The following ADAMTS12 variants were observed in gnomAD, a reference collection of about 807,000 sequenced individuals.
ADAMTS12 encodes the protein ADAM metallopeptidase with thrombospondin type 1 motif 12.
In ADAMTS12, 118 loss-of-function variants were observed where a neutral mutation model predicts 167.8. That is an observed-to-expected ratio of 0.70 (90% CI 0.61 to 0.82). ADAMTS12 has a LOEUF of 0.82. ADAMTS12 is among the 40% of genes least tolerant of loss of function. The probability of loss-of-function intolerance (pLI) is 0.00; values close to 1 mark genes in which losing one functional copy is unlikely to be tolerated. For missense variants in ADAMTS12, 1,916 were observed against 1,998.8 expected (o/e 0.96, Z 0.79); for synonymous variants, 704 against 716.9 (o/e 0.98, Z 0.29).
At chr5:33,836,147 G>A (rs1455959120) in intron 2 of ADAMTS12, among the ~76,000 whole-genome samples, 2 of 152,186 alleles carry the variant, frequency 1.3e-5, no homozygotes, top group African/African-American at 4.8e-5. Flanking sequence ...ATGCGTGTGA[G>A]CACAGAATCT....
chr5:33,608,532 T>C (rs936278415), intron 16 of ADAMTS12, among the ~76,000 whole-genome samples: 3 of 152,202 alleles, frequency 2.0e-5, no homozygotes, highest in Non-Finnish European at 2.9e-5. Flanking sequence ...AGTGAGTTTG[T>C]TGAGATGCAG....
chr5:33,855,386 A>T (rs980253167), intron 2 of ADAMTS12, among the ~76,000 whole-genome samples: 7 of 152,260 alleles, frequency 4.6e-5, no homozygotes, highest in Non-Finnish European at 1.0e-4. Flanking sequence ...AGTTCAAATT[A>T]TTATAACAGC....
intron 12 of ADAMTS12, among the ~76,000 whole-genome samples, chr5:33,633,676 T>G (rs982708355): frequency 2.0e-5 from 3 of 152,038 alleles, no homozygotes; most frequent in Admixed American, 6.6e-5. Flanking sequence ...TGTGGTTATA[T>G]CATTAAGTTG....
chr5:33,557,120 G>C lies in ADAMTS12; in HGVS notation c.4125+3907C>G, dbSNP rs370595787. Among the ~76,000 whole-genome samples, 6 of 152,284 alleles carry C rather than the reference G, an allele frequency of 3.9e-5. No individual in the cohort carries two copies. In the East Asian group the frequency reaches 9.7e-4, roughly 25 times the overall value. ...TTGCAATCCAGACAGCAATCACAGT[G>C]GTAGAAGTTCCTGGTGAGTAACCTG... On this transcript the variant is annotated intron_variant, in intron 20 of 23. Transcript: ENST00000504830.
chr5:33,733,480 T>C (rs2112356703), intron 3 of ADAMTS12, among the ~76,000 whole-genome samples: 1 of 152,318 alleles, frequency 6.6e-6, no homozygotes, highest in East Asian at 1.9e-4. Context: ...GCCACGAATC[T>C]TAAGTAAGAG....
chr5:33,801,871 T>A (rs1747022867), intron 2 of ADAMTS12, among the ~76,000 whole-genome samples: 1 of 152,208 alleles, frequency 6.6e-6, no homozygotes, highest in South Asian at 2.1e-4. Flanking sequence ...CTTATTAAAG[T>A]GGAGCTTTCA....
At chr5:33,736,674 A>G (rs1272222949) in intron 3 of ADAMTS12, among the ~76,000 whole-genome samples, 1 of 152,218 alleles carries the variant, frequency 6.6e-6, no homozygotes, top group South Asian at 2.1e-4. Flanking sequence ...GGGTTTTTCA[A>G]TAACAAGTCT....
At chr5:33,828,903 C>T (rs900682202) in intron 2 of ADAMTS12, among the ~76,000 whole-genome samples, 6 of 152,092 alleles carry the variant, frequency 3.9e-5, no homozygotes, top group African/African-American at 1.4e-4. Flanking sequence ...CCCTGTGTTG[C>T]AGTTACTAAT....
At chr5:33,560,201 T>A (rs954590763) in intron 20 of ADAMTS12, among the ~76,000 whole-genome samples, 1 of 152,246 alleles carries the variant, frequency 6.6e-6, no homozygotes, top group African/African-American at 2.4e-5. Context: ...ATAAAAACTC[T>A]GTACTTCTAA....
chr5:33,786,254 A>G (rs1302393040), intron 2 of ADAMTS12, among the ~76,000 whole-genome samples: 1 of 152,232 alleles, frequency 6.6e-6, no homozygotes, highest in Non-Finnish European at 1.5e-5. Context: ...GCCTAAATTT[A>G]CTAAAAATCA....
At chr5:33,739,148 G>T (rs140707769) in intron 3 of ADAMTS12, among the ~76,000 whole-genome samples, 18 of 152,230 alleles carry the variant, frequency 1.2e-4, no homozygotes, top group African/African-American at 3.1e-4. Flanking sequence ...ATAAATCCCT[G>T]AGTCATCACA....
intron 2 of ADAMTS12, among the ~76,000 whole-genome samples, chr5:33,812,707 A>G (rs953383155): frequency 2.6e-5 from 4 of 152,210 alleles, no homozygotes; most frequent in Non-Finnish European, 4.4e-5. Context: ...AATGGTTCAT[A>G]TATTTTCCAT....
At position 33,869,925 on chromosome 5, in the gene ADAMTS12, ACTCATAGAGT is replaced by A. The variant is rs1749971679; in HGVS notation, c.489+11184_489+11193del. ...CTATCTACAACTGCATAAGGTAGAC[ACTCATAGAGT>A]GGCCATTTTAGAGGCCCTCCCTGGG... On this transcript the variant is annotated intron_variant, in intron 2 of 23. Coordinates refer to ENST00000504830, the MANE Select transcript of ADAMTS12 (RefSeq NM_030955.4). 3.3e-5 allele frequency among the ~76,000 whole-genome samples: 5 copies of A among 152,258 alleles called. No homozygotes were observed. The South Asian group carries it at 1.0e-3, about 32-fold the overall frequency.
Position 33,614,326 on chromosome 5 carries a change from C to G in ADAMTS12, c.2439G>C (p.Gln813His). Reference sequence around the variant, plus strand: ...CAACATCATTGTCAAGGCCATCTTTCTGGATTGTGTACTCATACTTGATGC... The same window carrying G: ...CAACATCATTGTCAAGGCCATCTTTGTGGATTGTGTACTCATACTTGATGC... ...NPGIKYEYTI[Q>H]KDGLDNDVEQ... Residue 813 changes from glutamine (Q) to histidine (H), a missense_variant, in exon 16 of 24, where the codon CAG (glutamine) becomes CAC (histidine). Coordinates refer to ENST00000504830, the MANE Select transcript of ADAMTS12 (RefSeq NM_030955.4). 1 of 1,614,128 alleles carries G rather than the reference C, an allele frequency of 6.2e-7. No individual in the cohort carries two copies. The highest frequency in any genetic ancestry group is 2.2e-5 in the East Asian group (1 of 44,860).
intron 18 of ADAMTS12, among the ~76,000 whole-genome samples, chr5:33,587,195 T>G (rs1747402888): frequency 6.6e-6 from 1 of 152,214 alleles, no homozygotes; most frequent in South Asian, 2.1e-4. Context: ...GTGTTTTGCT[T>G]TCAAATAGGT....
rs1236917458 is a variant in ADAMTS12, at chr5:33,683,726, G to T, written c.831+133C>A. 9 of 507,576 alleles carry T rather than the reference G, an allele frequency of 1.8e-5. No individual in the cohort carries two copies. The South Asian group carries it at 5.1e-4, about 29-fold the overall frequency. 31.4% of individuals were successfully genotyped at this position (507,576 alleles called of 1,614,324 possible). ...TCCATCCATATTCATCCTTAGGCAG[G>T]TACTAGATTCACATATATATTTATA... On this transcript the variant is annotated intron_variant, in intron 4 of 23. Coordinates refer to ENST00000504830, the MANE Select transcript of ADAMTS12 (RefSeq NM_030955.4).
chr5:33,802,058 C>G (rs562567344), intron 2 of ADAMTS12, among the ~76,000 whole-genome samples: 11 of 152,272 alleles, frequency 7.2e-5, no homozygotes, highest in Admixed American at 3.3e-4. Context: ...AGCTGCCTTC[C>G]CATTCTACCA....
chr5:33,751,526 T>C lies in ADAMTS12; in HGVS notation c.512A>G (p.His171Arg), dbSNP rs1439151766. The change falls in exon 3 of 24, where the codon CAT becomes CGT. Residue 171 changes from histidine (H) to arginine (R), a missense_variant. Physicochemically the swap from His to Arg is conservative, Grantham distance 29 (BLOSUM62 0). Transcript: ENST00000504830. ...CACGGGTTCAATGAAAAAGTCTCCA[T>C]GTGGTAGTTGGAAAAATCCAGTCTG... Reference protein sequence around the residue: ...HGLTGFFQLPHGDFFIEPVKK... With the variant: ...HGLTGFFQLPRGDFFIEPVKK... 1.9e-6 allele frequency: 3 copies of C among 1,614,032 alleles called. No homozygotes were observed. The highest frequency in any genetic ancestry group is 1.1e-5 in the South Asian group (1 of 91,048).
intron 3 of ADAMTS12, among the ~76,000 whole-genome samples, chr5:33,693,571 T>A (rs1012524194): frequency 6.6e-6 from 1 of 152,180 alleles, no homozygotes; most frequent in Non-Finnish European, 1.5e-5. Context: ...AAAACACACA[T>A]GATCAACTCC....
Sources: allele counts gnomAD v4.1 joint callset (sites outside exome capture counted in the v4.1 genomes callset), GRCh38; gene constraint gnomAD v4.1.1; transcripts MANE v1.5; gene names NCBI Gene and HGNC (gene_info 2026-07-23, HGNC 2026-07-21).